The following RFX2 variants were observed in gnomAD, a reference collection of about 807,000 sequenced individuals.
RFX2 encodes DNA-binding protein RFX2.
A neutral mutation model predicts 87.8 loss-of-function variants in RFX2; 20 were observed. The observed-to-expected ratio is 0.23, with a 90% CI of 0.16 to 0.33. RFX2 has a LOEUF of 0.33. Among genes scored for constraint, RFX2 ranks in the 10% least tolerant of loss-of-function variants. The pLI is 1.00. For missense variants in RFX2, 767 were observed against 1,012.3 expected, an observed-to-expected ratio of 0.76 and a Z score of 3.29; for synonymous variants, 397 against 431.3, an observed-to-expected ratio of 0.92 and a Z score of 0.98.
chr19:6,071,540 G>A (rs1160082005), intron 1 of RFX2, among the ~76,000 whole-genome samples: 2 of 152,142 alleles, frequency 1.3e-5, no homozygotes, highest in East Asian at 3.8e-4. Flanking sequence ...TATTCCATCC[G>A]TCATCTCTTT....
At chr19:6,043,135 G>C (rs2087135254) in intron 3 of RFX2, among the ~76,000 whole-genome samples, 1 of 152,148 alleles carries the variant, frequency 6.6e-6, no homozygotes, top group South Asian at 2.1e-4. Context: ...TCGAATTCTG[G>C]GGTCCAAGTG....
chr19:6,108,980 AAAAG>A (rs1159620342), intron 1 of RFX2, among the ~76,000 whole-genome samples: 2 of 151,768 alleles, frequency 1.3e-5, no homozygotes, highest in East Asian at 1.9e-4. Flanking sequence ...GGAGGGAGGA[AAAAG>A]AAAGAAATGA....
In RFX2 at chr19:6,103,642, G is replaced by C. The variant is rs553767282; in HGVS notation, c.-9+6751C>G. 1.2e-4 allele frequency among the ~76,000 whole-genome samples: 19 copies of C among 152,288 alleles called. No homozygotes were observed. The South Asian group carries it at 3.9e-3, about 32-fold the overall frequency. Reference sequence around the variant, plus strand: ...GATGTTTGGGGAGTCATTTCAGAGGGACCCATGCCACAACCAAGATGTAGG... The same window carrying C: ...GATGTTTGGGGAGTCATTTCAGAGGCACCCATGCCACAACCAAGATGTAGG... On this transcript the variant is annotated intron_variant, in intron 1 of 17. Transcript: ENST00000303657.
rs1330305528 is a variant in RFX2, at chr19:6,020,202, T to A, written c.598-3931A>T. 6.6e-6 allele frequency: 1 copy of A among 152,148 alleles called. No homozygotes were observed. The highest frequency in any genetic ancestry group is 2.4e-5 in the African/African-American group (1 of 41,424). 9.4% of individuals were successfully genotyped at this position (152,148 alleles called of 1,614,324 possible). A position where few individuals can be genotyped will look rare whatever the true frequency, so the allele number is the denominator to read the frequency against. On this transcript the variant is annotated intron_variant, in intron 6 of 17. Transcript: ENST00000303657. The surrounding 1 kb of genome is among the most constrained non-coding windows in gnomAD (Gnocchi z 5.3). ...TGAGAGGTTAGAGTATAAGACTCCA[T>A]CCACCAGGAGGACATACTGGCTCAC...
chr19:6,094,686 TCTAAGA>T (rs2087995844), intron 1 of RFX2, among the ~76,000 whole-genome samples: 1 of 152,176 alleles, frequency 6.6e-6, no homozygotes, highest in East Asian at 1.9e-4. Context: ...AACTAACATT[TCTAAGA>T]CTTAGCACAC....
At chr19:6,060,255 A>T (rs2087408751) in intron 1 of RFX2, among the ~76,000 whole-genome samples, 1 of 151,952 alleles carries the variant, frequency 6.6e-6, no homozygotes, top group Non-Finnish European at 1.5e-5. Context: ...CCATTTTCCC[A>T]TTATCTATGA....
At chr19:6,055,139 A>G (rs2087317351) in intron 1 of RFX2, among the ~76,000 whole-genome samples, 1 of 152,246 alleles carries the variant, frequency 6.6e-6, no homozygotes, top group South Asian at 2.1e-4. Context: ...TGCAAATTCA[A>G]ACTATATCAA....
intron 1 of RFX2, among the ~76,000 whole-genome samples, chr19:6,092,577 G>A (rs956481779): frequency 1.3e-5 from 2 of 152,200 alleles, no homozygotes; most frequent in East Asian, 3.9e-4. Flanking sequence ...TTGTGGCTGC[G>A]CAAACCAGCC....
Position 6,011,478 on chromosome 19 carries a change from TG to T in RFX2, c.900-1228del, listed in dbSNP as rs2086659396. Among the ~76,000 whole-genome samples, 1 of 152,220 alleles carries T rather than the reference TG, an allele frequency of 6.6e-6. No individual in the cohort carries two copies. Among genetic ancestry groups the T allele is most frequent in the Non-Finnish European group, 1.5e-5 (1 of 68,028 alleles). On this transcript the variant is annotated intron_variant, in intron 8 of 17. Coordinates refer to ENST00000303657, the MANE Select transcript of RFX2 (RefSeq NM_000635.4). This position sits in a 1 kb window ranked among gnomAD's most constrained non-coding sequence, Gnocchi z 4.8. Reference sequence around the variant, plus strand: ...AAACCACCTGGCTCAGGGCAGGCCGTGGGCATCACACAGACACAGGCTCAGG... The same window carrying T: ...AAACCACCTGGCTCAGGGCAGGCCGTGGCATCACACAGACACAGGCTCAGG...
At chr19:6,006,464 T>TA (rs1167261158) in intron 12 of RFX2, among the ~76,000 whole-genome samples, 1 of 148,882 alleles carries the variant, frequency 6.7e-6, no homozygotes, top group Non-Finnish European at 1.5e-5. Flanking sequence ...CAGCTCATTT[T>TA]TTTTTTTTTT....
At position 6,047,096 on chromosome 19, in the gene RFX2, G is replaced by A. The variant is rs1183709480; in HGVS notation, c.90+311C>T. Among the ~76,000 whole-genome samples, 1 of 152,098 alleles carries A rather than the reference G, an allele frequency of 6.6e-6. No homozygotes were observed. Among genetic ancestry groups the A allele is most frequent in the African/African-American group, 2.4e-5 (1 of 41,394 alleles). On this transcript the variant is annotated intron_variant, in intron 2 of 17. Transcript: ENST00000303657. The surrounding 1 kb of genome is among the most constrained non-coding windows in gnomAD (Gnocchi z 4.2). ...TCTTAATTCTTAATAAAGCATTTCT[G>A]TGTAAAAGGGTCATTTCCAAGTACA...
At chr19:6,000,141 C>T (rs906333713) in intron 15 of RFX2, among the ~76,000 whole-genome samples, 1 of 152,066 alleles carries the variant, frequency 6.6e-6, no homozygotes, top group Non-Finnish European at 1.5e-5. Flanking sequence ...CCCACCACCA[C>T]GCCTGACTAA....
At chr19:6,090,565 G>A (rs2087919453) in intron 1 of RFX2, among the ~76,000 whole-genome samples, 1 of 152,068 alleles carries the variant, frequency 6.6e-6, no homozygotes, top group African/African-American at 2.4e-5. Context: ...AGGATGTGGA[G>A]AAACTGGAGC....
rs948755794 is a variant in RFX2, at chr19:6,023,909, A to G, written c.597+2254T>C. 6.6e-6 allele frequency among the ~76,000 whole-genome samples: 1 copy of G among 151,974 alleles called. No homozygotes were observed. The highest frequency in any genetic ancestry group is 6.6e-5 in the Admixed American group (1 of 15,246). Reference sequence around the variant, plus strand: ...ATTCTCCTGTCTCAGCCTCCAGAGTAGCTGGGACTACAGGCATGTGCCACC... The same window carrying G: ...ATTCTCCTGTCTCAGCCTCCAGAGTGGCTGGGACTACAGGCATGTGCCACC... On this transcript the variant is annotated intron_variant, in intron 6 of 17. Coordinates refer to ENST00000303657, the MANE Select transcript of RFX2 (RefSeq NM_000635.4). This position sits in a 1 kb window ranked among gnomAD's most constrained non-coding sequence, Gnocchi z 4.9.
In RFX2 at chr19:6,095,635, G is replaced by C. The variant is rs2053067; in HGVS notation, c.-9+14758C>G. Among the ~76,000 whole-genome samples, 11 of 152,180 alleles carry C rather than the reference G, an allele frequency of 7.2e-5. No homozygotes were observed. The East Asian group carries it at 2.1e-3, about 29-fold the overall frequency. Reference sequence around the variant, plus strand: ...AGGGGAGGGTGTGTGGGGCAGGGAAGGGGTCAAGAGACCAAGCTGGGTGGA... The same window carrying C: ...AGGGGAGGGTGTGTGGGGCAGGGAACGGGTCAAGAGACCAAGCTGGGTGGA... On this transcript the variant is annotated intron_variant, in intron 1 of 17. Coordinates refer to ENST00000303657, the MANE Select transcript of RFX2 (RefSeq NM_000635.4).
chr19:6,065,438 A>T (rs973152879), intron 1 of RFX2, among the ~76,000 whole-genome samples: 1 of 152,184 alleles, frequency 6.6e-6, no homozygotes, highest in Admixed American at 6.5e-5. Context: ...TGAGGTCAGA[A>T]GATCGAGACC....
At position 6,075,201 on chromosome 19, in the gene RFX2, T is replaced by C. The variant is rs186394119; in HGVS notation, c.-8-27697A>G. 2.1e-4 allele frequency among the ~76,000 whole-genome samples: 32 copies of C among 152,168 alleles called. No individual in the cohort carries two copies. The East Asian group carries it at 4.8e-3, about 23-fold the overall frequency. ...TTACAGCCACCCAGTCTATGGCCTTTTGCTGAAACAGCCCAAACAGATTAA... is the reference window on the plus strand; with the variant it reads ...TTACAGCCACCCAGTCTATGGCCTTCTGCTGAAACAGCCCAAACAGATTAA... On this transcript the variant is annotated intron_variant, in intron 1 of 17. Coordinates refer to ENST00000303657, the MANE Select transcript of RFX2 (RefSeq NM_000635.4).
rs910796479 is a variant in RFX2 at position 6,026,936 on chromosome 19, G to C, written c.523-699C>G. ...GGAAGGGGCTTTTGAGTTGGATCCT[G>C]AAGGACCTGATGGAGGTGGGGAGGG... On this transcript the variant is annotated intron_variant, in intron 5 of 17. Coordinates refer to ENST00000303657, the MANE Select transcript of RFX2 (RefSeq NM_000635.4). The surrounding 1 kb of genome is among the most constrained non-coding windows in gnomAD (Gnocchi z 4.5). Among the ~76,000 whole-genome samples the C allele has an allele frequency of 6.6e-6, 1 of 152,210 alleles. No homozygotes were observed. Among genetic ancestry groups the C allele is most frequent in the African/African-American group, 2.4e-5 (1 of 41,448 alleles).
chr19:6,080,613 C>A (rs2087767694), intron 1 of RFX2, among the ~76,000 whole-genome samples: 1 of 152,092 alleles, frequency 6.6e-6, no homozygotes, highest in South Asian at 2.1e-4. Flanking sequence ...TGAGCTGGGA[C>A]CTGACAGCTG....
Sources: gnomAD v4.1 joint callset for allele counts (sites outside exome capture counted in the v4.1 genomes callset) on GRCh38, gnomAD v4.1.1 for gene constraint, Gnocchi (gnomAD v3.1) non-coding constraint, MANE v1.5 for transcripts, NCBI Gene and HGNC (gene_info 2026-07-23, HGNC 2026-07-21) for gene names.